The following KATNA1 variants were observed in gnomAD, a reference collection of about 807,000 sequenced individuals.
KATNA1 encodes the protein katanin catalytic subunit A1.
In KATNA1, 42 loss-of-function variants were observed where a neutral mutation model predicts 62.6. The ratio of observed to expected loss-of-function variants is 0.67; its 90% CI spans 0.52 to 0.87. The LOEUF (loss-of-function observed/expected upper bound fraction) is 0.87, where lower values mean the gene tolerates loss of function less well. Among genes scored for constraint, KATNA1 ranks in the 40% least tolerant of loss-of-function variants. The pLI, the probability that KATNA1 is intolerant of heterozygous loss-of-function variation, is 0.00. For synonymous variants in KATNA1, 186 were observed against 201.9 expected, an observed-to-expected ratio of 0.92 and a Z score of 0.67; for missense variants, 498 against 612.5, an observed-to-expected ratio of 0.81 and a Z score of 1.97.
Position 149,632,897 on chromosome 6 carries a change from A to G in KATNA1, c.182T>C (p.Val61Ala). ...GATATCTTTAACATGTTTAGCTTCC[A>G]CATTTATTTCCTGCCAAACCTGATT... ...KWQQVWQEIN[V>A]EAKHVKDIMK... Residue 61 changes from valine to alanine, a missense_variant, in exon 3 of 11, where the codon GTG becomes GCG. Val to Ala is a moderately conservative substitution (Grantham distance 64, BLOSUM62 0). Around this residue, in one of 3 missense-constraint regions of KATNA1, gnomAD observed 203 missense variants for 198.4 expected, o/e 1.02. Transcript: ENST00000367411. 1 of 1,606,520 alleles carries G rather than the reference A, an allele frequency of 6.2e-7. No homozygotes were observed.
At position 149,595,149 on chromosome 6, in the gene KATNA1, T is replaced by C. The variant is rs1262830876; in HGVS notation, c.1363A>G (p.Met455Val). The change falls in exon 11 of 11, where the codon ATG becomes GTG. Residue 455 changes from methionine to valine, a missense_variant. By Grantham distance (21) the Met-to-Val change is conservative. Coordinates refer to ENST00000367411, the MANE Select transcript of KATNA1 (RefSeq NM_007044.4). Reference protein sequence around the residue: ...IRNLSKEEMHMPTTMEDFEMA... With the variant: ...IRNLSKEEMHVPTTMEDFEMA... Reference sequence around the variant, plus strand: ...TCGAAATCCTCCATAGTTGTAGGCATGTGCATTTCTTCTTTGGAAAGATTT... The same window carrying C: ...TCGAAATCCTCCATAGTTGTAGGCACGTGCATTTCTTCTTTGGAAAGATTT... 5.0e-6 allele frequency: 8 copies of C among 1,613,908 alleles called. No homozygotes were observed. The South Asian group carries it at 6.6e-5, about 13-fold the overall frequency.
chr6:149,638,363 C>A (rs1485184193), intron 2 of KATNA1, 23 bp downstream of exon 2: 1 of 1,604,704 alleles, frequency 6.2e-7, no homozygotes. Context: ...GCCATTAAAA[C>A]ATACAGCAGC....
At chr6:149,595,453 ATAAT>A (rs1029330562) in intron 10 of KATNA1, among the ~76,000 whole-genome samples, 31 of 152,328 alleles carry the variant, frequency 2.0e-4, no homozygotes, top group African/African-American at 7.5e-4. Context: ...GCTAATTTAA[ATAAT>A]TAATACTGAA....
chr6:149,643,186 C>T lies in KATNA1; in HGVS notation c.-13-4626G>A, dbSNP rs753993831. ...GGAACTGAGACCCTCAGTCCACCAG[C>T]CCCTGAGGAACTGAATCCTGCCAAC... On this transcript the variant is annotated intron_variant, in intron 1 of 10. Coordinates refer to ENST00000367411, the MANE Select transcript of KATNA1 (RefSeq NM_007044.4). Among the ~76,000 whole-genome samples, 4 of 152,310 alleles carry T rather than the reference C, an allele frequency of 2.6e-5. No individual in the cohort carries two copies. The South Asian group carries it at 6.2e-4, about 24-fold the overall frequency.
rs547840864 is a variant in KATNA1 at position 149,616,686 on chromosome 6, G to A, written c.501+6417C>T. ...GGAGAATCACTTGAACCCGGTAAGC[G>A]GAGGGTGCGGTGAGCCAAGATCGCG... On this transcript the variant is annotated intron_variant, in intron 4 of 10. Coordinates refer to ENST00000367411, the MANE Select transcript of KATNA1 (RefSeq NM_007044.4). Among the ~76,000 whole-genome samples the A allele has an allele frequency of 9.2e-5, 14 of 152,208 alleles. No individual in the cohort carries two copies. In the East Asian group the frequency reaches 1.9e-3, roughly 21 times the overall value.
chr6:149,628,821 AAAAAAAAAAAG>A lies in KATNA1; in HGVS notation c.320+3927_320+3937del, dbSNP rs1186895263. On this transcript the variant is annotated intron_variant, in intron 3 of 10. Coordinates refer to ENST00000367411, the MANE Select transcript of KATNA1 (RefSeq NM_007044.4). ...GGCAACAGAGCGAGACTCCATCTCAAAAAAAAAAAAGAAAAAAAAAAGAATGACCCTCTTAA... is the reference window on the plus strand; with the variant it reads ...GGCAACAGAGCGAGACTCCATCTCAAAAAAAAAAAAGAATGACCCTCTTAA... 3.7e-3 allele frequency among the ~76,000 whole-genome samples: 560 copies of A among 149,576 alleles called. 1 individual carries two copies. Among genetic ancestry groups the A allele is most frequent in the African/African-American group, 0.013 (526 of 41,036 alleles).
chr6:149,623,630 C>A (rs934379327), intron 3 of KATNA1, among the ~76,000 whole-genome samples: 1 of 151,824 alleles, frequency 6.6e-6, no homozygotes, highest in Admixed American at 6.6e-5. Context: ...CCCAGCCACT[C>A]GGGAGGCTGA....
intron 4 of KATNA1, among the ~76,000 whole-genome samples, chr6:149,616,039 G>A (rs960959889): frequency 6.6e-6 from 1 of 152,192 alleles, no homozygotes; most frequent in Non-Finnish European, 1.5e-5. Flanking sequence ...AGAGGAGGTA[G>A]AATGGTGGTT....
chr6:149,645,705 T>C (rs1780459862), intron 1 of KATNA1, among the ~76,000 whole-genome samples: 2 of 152,190 alleles, frequency 1.3e-5, no homozygotes, highest in African/African-American at 4.8e-5. Context: ...GCCTTGAGTA[T>C]TTATGAGTTA....
chr6:149,648,172 C>A (rs1433202846), intron 1 of KATNA1, among the ~76,000 whole-genome samples: 2 of 152,010 alleles, frequency 1.3e-5, no homozygotes, highest in East Asian at 1.9e-4. Context: ...GAGAACCAGT[C>A]GAAAAATCGA....
Position 149,600,548 on chromosome 6 carries a change from G to A in KATNA1, c.888+1046C>T, listed in dbSNP as rs147195273. Among the ~76,000 whole-genome samples, 270 of 152,088 alleles carry A rather than the reference G, an allele frequency of 1.8e-3. 1 individual carries two copies. Among genetic ancestry groups the A allele is most frequent in the African/African-American group, 6.1e-3 (254 of 41,472 alleles). On this transcript the variant is annotated intron_variant, in intron 7 of 10. Transcript: ENST00000367411. ...CTCAGGAGGCTAAGGTGGGAGGATC[G>A]CTTGAGGCTAGGAGGTGAAGGCTGC...
chr6:149,617,675 C>T (rs1779219410), intron 4 of KATNA1, among the ~76,000 whole-genome samples: 1 of 152,172 alleles, frequency 6.6e-6, no homozygotes, highest in African/African-American at 2.4e-5. Context: ...TGGCTCACGC[C>T]TGTAATCCCA....
intron 6 of KATNA1, among the ~76,000 whole-genome samples, chr6:149,602,681 A>G (rs1262990221): frequency 6.6e-6 from 1 of 151,176 alleles, no homozygotes; most frequent in East Asian, 2.0e-4. Context: ...ACTAGGTCAT[A>G]TTTGCAAATA....
chr6:149,623,126 GTTCT>G lies in KATNA1; in HGVS notation c.474_477del (p.Lys158AsnfsTer16), dbSNP rs1158641540. On this transcript the variant is annotated frameshift_variant, in exon 4 of 11. Coordinates refer to ENST00000367411, the MANE Select transcript of KATNA1 (RefSeq NM_007044.4). LOFTEE classifies it high-confidence loss of function. ...ACCTTTTCCTCTCTTCCTTTATTCT[GTTCT>G]TTCTTTTCACGACAACGAACAGCTT... The G allele has an allele frequency of 2.5e-6, 4 of 1,602,142 alleles. No homozygotes were observed. Among genetic ancestry groups the G allele is most frequent in the Non-Finnish European group, 2.5e-6 (3 of 1,176,478 alleles).
At chr6:149,602,721 AT>A (rs563234607) in intron 6 of KATNA1, among the ~76,000 whole-genome samples, 8,564 of 140,792 alleles carry the variant, frequency 0.061, 250 homozygotes, top group African/African-American at 0.085. Context: ...GTGAATTCTA[AT>A]TTTTTTTTTT....
intron 4 of KATNA1, among the ~76,000 whole-genome samples, chr6:149,620,792 C>T (rs1378729949): frequency 1.3e-5 from 2 of 152,022 alleles, no homozygotes; most frequent in African/African-American, 4.8e-5. Context: ...TATTATGTGT[C>T]AAATTAAAAA....
chr6:149,644,806 C>A (rs1443898303), intron 1 of KATNA1, among the ~76,000 whole-genome samples: 1 of 151,940 alleles, frequency 6.6e-6, no homozygotes, highest in African/African-American at 2.4e-5. Flanking sequence ...CTTTAGAAGC[C>A]AATGAATTGA....
intron 4 of KATNA1, among the ~76,000 whole-genome samples, chr6:149,617,790 G>A (rs570448500): frequency 1.3e-5 from 2 of 152,014 alleles, no homozygotes; most frequent in Non-Finnish European, 2.9e-5. Context: ...ACAAAAATTA[G>A]CTGGGCATGG....
intron 3 of KATNA1, among the ~76,000 whole-genome samples, chr6:149,629,473 T>A (rs570759745): frequency 6.6e-6 from 1 of 152,138 alleles, no homozygotes; most frequent in Non-Finnish European, 1.5e-5. Context: ...GAAACAAATG[T>A]ATGTTGTTTA....
Sources: gnomAD v4.1 joint callset for allele counts (sites outside exome capture counted in the v4.1 genomes callset) on GRCh38, gnomAD v4.1.1 for gene constraint, gnomAD v4.1.1 regional missense constraint, MANE v1.5 for transcripts, NCBI Gene and HGNC (gene_info 2026-07-23, HGNC 2026-07-21) for gene names.